ASB7: variants seen among roughly 807,000 people sequenced by gnomAD.
The protein encoded by ASB7 is ankyrin repeat and SOCS box containing 7.
ASB7 carries 4 observed loss-of-function variants against 32.5 expected under a neutral mutation model. The observed-to-expected ratio is 0.12, with a 90% CI of 0.06 to 0.28. The LOEUF (loss-of-function observed/expected upper bound fraction) is 0.28. ASB7 is among the 10% of genes least tolerant of loss of function. ASB7 has a pLI of 1.00. For synonymous variants in ASB7, 172 were observed against 155.6 expected (o/e 1.11, Z -0.78); for missense variants, 181 against 407.1 (o/e 0.44, Z 4.78).
At position 100,617,921 on chromosome 15, in the gene ASB7, C is replaced by T. The variant is rs187018183; in HGVS notation, c.211+5494C>T. 2.2e-3 allele frequency among the ~76,000 whole-genome samples: 339 copies of T among 152,144 alleles called. 3 individuals carry two copies. Among genetic ancestry groups the T allele is most frequent in the Admixed American group, 0.012 (187 of 15,282 alleles). ...ATCAAAAAATACTGGAAATGGGCCG[C>T]GTTATGGTGGGATTATAAAGTTGCT... On this transcript the variant is annotated intron_variant, in intron 4 of 5. Coordinates refer to ENST00000332783, the MANE Select transcript of ASB7 (RefSeq NM_198243.3).
rs1253854242 is a variant in ASB7 at position 100,651,195 on chromosome 15, G to A, written c.*2733G>A. On this transcript the variant is annotated 3_prime_UTR_variant, in exon 6 of 6. Coordinates refer to ENST00000332783, the MANE Select transcript of ASB7 (RefSeq NM_198243.3). The stretch of plus-strand genomic sequence containing the variant: ...CCTCATCTTTCGAAAACAAGGTTTT[G>A]TGTTTTTTTTTTTTTGTAAATATTT... The A allele has an allele frequency of 2.1e-5, 3 of 145,972 alleles. No homozygotes were observed. The South Asian group carries it at 6.4e-4, about 31-fold the overall frequency. The allele number at this position is 145,972 out of a possible 1,614,324, so 9.0% of individuals were successfully genotyped here. A position where few individuals can be genotyped will look rare whatever the true frequency, so the allele number is the denominator to read the frequency against.
In ASB7 at chr15:100,603,052, G is replaced by A. The variant is rs1336713089; in HGVS notation, c.-273+6G>A. 1.0e-5 allele frequency: 4 copies of A among 399,272 alleles called. No individual in the cohort carries two copies. The highest frequency in any genetic ancestry group is 7.1e-5 in the East Asian group (2 of 28,102). The allele number at this position is 399,272 out of a possible 1,614,324, so 24.7% of individuals were successfully genotyped here. On this transcript the variant is annotated splice_donor_region_variant and intron_variant, in intron 1 of 5. Coordinates refer to ENST00000332783, the MANE Select transcript of ASB7 (RefSeq NM_198243.3). Reference sequence around the variant, plus strand: ...AGCAGCAGCTGAGGAGACAGGTAAAGTCCTTTACTTCCCCCGAGGGGAAGA... The same window carrying A: ...AGCAGCAGCTGAGGAGACAGGTAAAATCCTTTACTTCCCCCGAGGGGAAGA...
chr15:100,637,427 C>T (rs1366852097), intron 5 of ASB7, among the ~76,000 whole-genome samples: 1 of 152,210 alleles, frequency 6.6e-6, no homozygotes, highest in African/African-American at 2.4e-5. Flanking sequence ...TATCTAGAGA[C>T]TTCTTCAATC....
intron 4 of ASB7, among the ~76,000 whole-genome samples, chr15:100,620,908 A>G (rs944878145): frequency 6.6e-6 from 1 of 152,244 alleles, no homozygotes; most frequent in East Asian, 1.9e-4. Flanking sequence ...CTATAAAGCA[A>G]ATCCCCAGAG....
intron 5 of ASB7, chr15:100,645,650 C>A: frequency 8.4e-7 from 1 of 1,194,296 alleles, no homozygotes. Flanking sequence ...TGTCTCCCAA[C>A]CTGTATGTGA....
chr15:100,603,149 C>CT (rs1452585831), intron 1 of ASB7, 66 bp from the exon 2 acceptor site: 1 of 391,912 alleles, frequency 2.6e-6, no homozygotes, highest in African/African-American at 2.2e-5. Context: ...TCTCCAGCCC[C>CT]TTTCCTGAGC....
chr15:100,630,893 T>C (rs2039878306), intron 5 of ASB7, among the ~76,000 whole-genome samples: 1 of 152,174 alleles, frequency 6.6e-6, no homozygotes, highest in African/African-American at 2.4e-5. Flanking sequence ...AACTTTTTAA[T>C]GAGTTCCTTT....
chr15:100,622,365 T>A (rs537885450), intron 4 of ASB7, among the ~76,000 whole-genome samples: 5 of 152,172 alleles, frequency 3.3e-5, no homozygotes, highest in Non-Finnish European at 7.4e-5. Flanking sequence ...TTAATATTGT[T>A]AAAATGACTC....
chr15:100,624,909 A>C (rs1185291609), intron 4 of ASB7, among the ~76,000 whole-genome samples: 1 of 152,120 alleles, frequency 6.6e-6, no homozygotes, highest in Non-Finnish European at 1.5e-5. Flanking sequence ...TGTATAAAAA[A>C]AAATATTATG....
At chr15:100,645,061 A>G (rs899781355) in intron 5 of ASB7, among the ~76,000 whole-genome samples, 2 of 152,250 alleles carry the variant, frequency 1.3e-5, no homozygotes, top group African/African-American at 4.8e-5. Context: ...AACGGTGATC[A>G]CTGTAAGCAA....
At chr15:100,603,399 G>C (rs2039587079) in intron 2 of ASB7, 86 bp downstream of exon 2, 1 of 165,092 alleles carries the variant, frequency 6.1e-6, no homozygotes. Flanking sequence ...GTGGTTGCCT[G>C]GGAATGCAAC....
intron 2 of ASB7, among the ~76,000 whole-genome samples, chr15:100,608,239 A>T (rs1004042685): frequency 6.6e-6 from 1 of 152,180 alleles, no homozygotes; most frequent in Non-Finnish European, 1.5e-5. Context: ...AAAGCTTTGG[A>T]TTTACAGAAC....
chr15:100,616,409 G>A (rs1028730469), intron 4 of ASB7, among the ~76,000 whole-genome samples: 2 of 152,122 alleles, frequency 1.3e-5, no homozygotes, highest in African/African-American at 4.8e-5. Context: ...TTGGTGTCTT[G>A]TTTAGGAAGT....
intron 5 of ASB7, among the ~76,000 whole-genome samples, chr15:100,641,484 T>C (rs967533816): frequency 5.9e-5 from 9 of 152,218 alleles, no homozygotes; most frequent in African/African-American, 2.2e-4. Context: ...GAGAAGTTCA[T>C]ACCTGTACAC....
At position 100,641,040 on chromosome 15, in the gene ASB7, C is replaced by G. The variant is rs117926479; in HGVS notation, c.818-7283C>G. 3.9e-3 allele frequency among the ~76,000 whole-genome samples: 598 copies of G among 152,300 alleles called. 4 individuals carry two copies. Among genetic ancestry groups the G allele is most frequent in the Admixed American group, 9.2e-3 (140 of 15,298 alleles). On this transcript the variant is annotated intron_variant, in intron 5 of 5. Coordinates refer to ENST00000332783, the MANE Select transcript of ASB7 (RefSeq NM_198243.3). Reference sequence around the variant, plus strand: ...TAAATTATGCTCTTTTGTGAGATGTCTTCCAGTTTTCCCTGTTATGATCCC... The same window carrying G: ...TAAATTATGCTCTTTTGTGAGATGTGTTCCAGTTTTCCCTGTTATGATCCC...
At chr15:100,613,319 A>C (rs1172633876) in intron 4 of ASB7, among the ~76,000 whole-genome samples, 1 of 152,204 alleles carries the variant, frequency 6.6e-6, no homozygotes, top group Admixed American at 6.5e-5. Flanking sequence ...AAAATGTTGG[A>C]AGTTCTAGAA....
At chr15:100,626,617 C>G (rs1295406596) in intron 4 of ASB7, among the ~76,000 whole-genome samples, 2 of 152,130 alleles carry the variant, frequency 1.3e-5, no homozygotes, top group Non-Finnish European at 2.9e-5. Context: ...CTGTCCCCCT[C>G]TCCTTCTCTC....
chr15:100,643,225 A>G lies in ASB7; in HGVS notation c.818-5098A>G, dbSNP rs527663275. On this transcript the variant is annotated intron_variant, in intron 5 of 5. Transcript: ENST00000332783. ...GTGAATGTCCCAAGAGTCTGGCAAA[A>G]GCTGCATCACCTTTTATGACTTAGC... Among the ~76,000 whole-genome samples, 494 of 152,210 alleles carry G rather than the reference A, an allele frequency of 3.2e-3. 2 individuals are homozygous for G. Among genetic ancestry groups the G allele is most frequent in the African/African-American group, 0.011 (473 of 41,526 alleles).
intron 4 of ASB7, among the ~76,000 whole-genome samples, chr15:100,619,694 C>G (rs540575892): frequency 1.3e-3 from 198 of 152,228 alleles, no homozygotes; most frequent in Admixed American, 2.8e-3. Context: ...ATATACCCGC[C>G]TGGTAAAACC....
Sources: allele counts gnomAD v4.1 joint callset (sites outside exome capture counted in the v4.1 genomes callset), GRCh38; gene constraint gnomAD v4.1.1; transcripts MANE v1.5; gene names NCBI Gene and HGNC (gene_info 2026-07-23, HGNC 2026-07-21).